The following SRPK2 variants were observed in gnomAD, a reference collection of about 807,000 sequenced individuals.
SRPK2 encodes SFRS protein kinase 2.
SRPK2 carries 21 observed loss-of-function variants against 90.8 expected under a neutral mutation model. That is an observed-to-expected ratio of 0.23 (90% CI 0.16 to 0.33). SRPK2 has a LOEUF of 0.33. Among genes scored for constraint, SRPK2 ranks in the 10% least tolerant of loss-of-function variants. The probability of loss-of-function intolerance (pLI) is 1.00; values close to 1 mark genes in which losing one functional copy is unlikely to be tolerated. For missense variants in SRPK2, 620 were observed against 869.0 expected (o/e 0.71, Z 3.60); for synonymous variants, 288 against 311.1 (o/e 0.93, Z 0.78).
At chr7:105,345,422 T>C (rs995691298) in intron 2 of SRPK2, among the ~76,000 whole-genome samples, 2 of 152,152 alleles carry the variant, frequency 1.3e-5, no homozygotes, top group Admixed American at 6.6e-5. Context: ...GCTTTTGAGT[T>C]TGATGAGATA....
intron 6 of SRPK2, among the ~76,000 whole-genome samples, chr7:105,163,915 T>C (rs1808109286): frequency 6.6e-6 from 1 of 152,330 alleles, no homozygotes; most frequent in South Asian, 2.1e-4. Flanking sequence ...GCAATTCCAA[T>C]TGAAAACTGA....
intron 2 of SRPK2, among the ~76,000 whole-genome samples, chr7:105,264,750 A>G (rs1021828346): frequency 1.3e-5 from 2 of 152,182 alleles, no homozygotes; most frequent in Non-Finnish European, 2.9e-5. Flanking sequence ...GTGAGTTGTT[A>G]ATTTTTAGTT....
chr7:105,118,380 A>G (rs1258287872), intron 15 of SRPK2, among the ~76,000 whole-genome samples: 1 of 152,158 alleles, frequency 6.6e-6, no homozygotes, highest in East Asian at 1.9e-4. Flanking sequence ...AAATTTGCAA[A>G]CTTGAGGCCA....
At chr7:105,366,751 T>A (rs1418329029) in intron 2 of SRPK2, among the ~76,000 whole-genome samples, 1 of 152,206 alleles carries the variant, frequency 6.6e-6, no homozygotes, top group Non-Finnish European at 1.5e-5. Flanking sequence ...TCACAAGAAG[T>A]GTGAGATTTT....
At chr7:105,160,305 C>G (rs1293172920) in intron 7 of SRPK2, 2 of 371,188 alleles carry the variant, frequency 5.4e-6, no homozygotes, top group Non-Finnish European at 9.6e-6. Flanking sequence ...CATGTTGTTC[C>G]CTTCACAACA....
At chr7:105,302,656 A>G (rs1426118859) in intron 2 of SRPK2, among the ~76,000 whole-genome samples, 1 of 152,130 alleles carries the variant, frequency 6.6e-6, no homozygotes, top group East Asian at 1.9e-4. Flanking sequence ...CTTCCCTTTA[A>G]TAAATTAATA....
intron 2 of SRPK2, among the ~76,000 whole-genome samples, chr7:105,254,349 A>C (rs1802923858): frequency 1.3e-5 from 2 of 152,246 alleles, no homozygotes; most frequent in Admixed American, 6.5e-5. Context: ...GTAAGTTAAA[A>C]GGTTCTCTTA....
At chr7:105,394,211 C>T (rs911714700), upstream of SRPK2, among the ~76,000 whole-genome samples, 2 of 147,408 alleles carry the variant, frequency 1.4e-5, no homozygotes, top group African/African-American at 2.5e-5. Context: ...GGCATGATTT[C>T]GGCTCACCGC....
intron 2 of SRPK2, among the ~76,000 whole-genome samples, chr7:105,361,350 C>T (rs1818400362): frequency 1.3e-5 from 2 of 152,164 alleles, no homozygotes; most frequent in Non-Finnish European, 2.9e-5. Flanking sequence ...GAAGAACATT[C>T]CATGCTCATG....
At chr7:105,344,630 CAT>C (rs1816240254) in intron 2 of SRPK2, among the ~76,000 whole-genome samples, 2 of 152,152 alleles carry the variant, frequency 1.3e-5, no homozygotes, top group South Asian at 2.1e-4. Context: ...TACAAACACA[CAT>C]GACAGGCTAT....
At chr7:105,176,837 G>GT (rs1172059589) in intron 3 of SRPK2, among the ~76,000 whole-genome samples, 2 of 151,908 alleles carry the variant, frequency 1.3e-5, no homozygotes, top group Admixed American at 1.3e-4. Context: ...GTTTCACCAT[G>GT]TTGGCCAGGC....
At chr7:105,261,042 A>C (rs894973054) in intron 2 of SRPK2, among the ~76,000 whole-genome samples, 3 of 148,548 alleles carry the variant, frequency 2.0e-5, no homozygotes, top group Non-Finnish European at 3.0e-5. Context: ...AAAAAAAAAA[A>C]CAGTATGGAG....
intron 2 of SRPK2, among the ~76,000 whole-genome samples, chr7:105,321,487 T>C (rs1440731523): frequency 6.6e-6 from 1 of 151,802 alleles, no homozygotes; most frequent in Non-Finnish European, 1.5e-5. Context: ...AACTTCAAAA[T>C]TAAAAACTTT....
intron 2 of SRPK2, among the ~76,000 whole-genome samples, chr7:105,281,832 AT>A (rs1403053821): frequency 6.6e-6 from 1 of 152,226 alleles, no homozygotes. Flanking sequence ...ATGGAAAGAT[AT>A]CCTGTGTTCG....
chr7:105,299,561 A>T (rs1438672530), intron 2 of SRPK2, among the ~76,000 whole-genome samples: 1 of 152,228 alleles, frequency 6.6e-6, no homozygotes, highest in Non-Finnish European at 1.5e-5. Flanking sequence ...CCATCACCTC[A>T]CAAGAAGCAT....
At chr7:105,328,933 A>G (rs1445090371) in intron 2 of SRPK2, among the ~76,000 whole-genome samples, 2 of 152,090 alleles carry the variant, frequency 1.3e-5, no homozygotes, top group South Asian at 4.2e-4. Flanking sequence ...GTAATCTCAG[A>G]CACTCAGGAG....
chr7:105,183,002 G>A (rs1265661026), intron 3 of SRPK2, among the ~76,000 whole-genome samples: 2 of 152,140 alleles, frequency 1.3e-5, no homozygotes. Flanking sequence ...GAAAGACTGA[G>A]CTGTGATAGT....
intron 2 of SRPK2, among the ~76,000 whole-genome samples, chr7:105,334,634 C>A (rs1814847386): frequency 6.6e-6 from 1 of 151,336 alleles, no homozygotes; most frequent in African/African-American, 2.4e-5. Context: ...GGTCAGGAGT[C>A]CGAGACCAGC....
At chr7:105,301,098 C>T (rs914528333) in intron 2 of SRPK2, among the ~76,000 whole-genome samples, 1 of 152,138 alleles carries the variant, frequency 6.6e-6, no homozygotes, top group African/African-American at 2.4e-5. Context: ...TTCACAATAG[C>T]AAAGACTGGG....
Sources: gnomAD v4.1 joint callset for allele counts (sites outside exome capture counted in the v4.1 genomes callset) on GRCh38, gnomAD v4.1.1 for gene constraint, MANE v1.5 for transcripts, NCBI Gene and HGNC (gene_info 2026-07-23, HGNC 2026-07-21) for gene names.